CAND2: variants seen among roughly 807,000 people sequenced by gnomAD.
CAND2 encodes the protein cullin associated and neddylation dissociated 2 (putative).
CAND2 carries 62 observed loss-of-function variants against 98.9 expected under a neutral mutation model. The ratio of observed to expected loss-of-function variants is 0.63; its 90% CI spans 0.51 to 0.77. CAND2 has a LOEUF of 0.77. Among genes scored for constraint, CAND2 ranks in the 30% least tolerant of loss-of-function variants. The pLI, the probability that CAND2 is intolerant of heterozygous loss-of-function variation, is 0.00. For synonymous variants in CAND2, 770 were observed against 731.9 expected, an observed-to-expected ratio of 1.05 and a Z score of -0.84; for missense variants, 1,501 against 1,655.2, an observed-to-expected ratio of 0.91 and a Z score of 1.62.
chr3:12,830,293 G>A (rs542700950), intron 13 of CAND2, among the ~76,000 whole-genome samples: 5 of 152,340 alleles, frequency 3.3e-5, no homozygotes, highest in Admixed American at 3.3e-4. Context: ...TGTATGCCAT[G>A]CAAACTAGTG....
At chr3:12,831,011 TGTTA>T (rs1181385707) in intron 13 of CAND2, among the ~76,000 whole-genome samples, 7 of 145,040 alleles carry the variant, frequency 4.8e-5, no homozygotes, top group South Asian at 2.2e-4. Context: ...GTTTAGTTGT[TGTTA>T]AAAGTTTTTG....
intron 11 of CAND2, among the ~76,000 whole-genome samples, chr3:12,820,714 G>A (rs917213983): frequency 6.6e-6 from 1 of 152,194 alleles, no homozygotes; most frequent in Non-Finnish European, 1.5e-5. Flanking sequence ...TCCCTCTGGG[G>A]CTCGGCAGGA....
intron 14 of CAND2, chr3:12,832,103 A>G (rs1015395061): frequency 6.6e-6 from 1 of 152,372 alleles, no homozygotes; most frequent in African/African-American, 2.4e-5. Flanking sequence ...CTGTTGAATG[A>G]AAGAATACAT....
intron 2 of CAND2, among the ~76,000 whole-genome samples, chr3:12,805,532 C>T (rs1371915221): frequency 1.3e-5 from 2 of 152,092 alleles, no homozygotes; most frequent in South Asian, 2.1e-4. Flanking sequence ...AAGTGATCTG[C>T]CTGCCTAGGC....
chr3:12,815,412 C>G lies in CAND2; in HGVS notation c.1278C>G (p.Asn426Lys), dbSNP rs1158184216. The change falls in exon 8 of 15, where the codon AAC becomes AAG. Residue 426 changes from asparagine (N) to lysine (K), a missense_variant. By Grantham distance (94) the Asn-to-Lys change is moderately conservative. This residue lies in a region of CAND2 where 1,427 missense variants were observed against 1,545.3 expected (regional missense o/e 0.92). Transcript: ENST00000456430. This position sits in a 1 kb window ranked among gnomAD's most constrained non-coding sequence, Gnocchi z 5.7. The part of the protein sequence containing the change: ...AMEEPTQTGS[N>K]LHMLRGQVPL... ...AGGAACCCACCCAGACCGGCAGCAA[C>G]CTCCATATGCTACGTGGACAGGTGG... 6.2e-7 allele frequency: 1 copy of G among 1,612,264 alleles called. No homozygotes were observed. Among genetic ancestry groups the G allele is most frequent in the Admixed American group, 1.7e-5 (1 of 60,014 alleles).
rs1344208829 is a variant in CAND2 at position 12,816,658 on chromosome 3, G to C, written c.1726G>C (p.Ala576Pro). The C allele has an allele frequency of 6.2e-7, 1 of 1,613,804 alleles. No homozygotes were observed. Among genetic ancestry groups the C allele is most frequent in the African/African-American group, 1.3e-5 (1 of 75,070 alleles). The change falls in exon 10 of 15, where the codon GCG (alanine) becomes CCG (proline). Residue 576 changes from alanine to proline, a missense_variant. Physicochemically the swap from Ala to Pro is conservative, Grantham distance 27. This residue lies in a region of CAND2 where 1,427 missense variants were observed against 1,545.3 expected (regional missense o/e 0.92). Transcript: ENST00000456430. ...TGGAGAGATGTCTGCTGTCACCCTG[G>C]CGCGACTTCGTGCCACTGACCTGGA... is the stretch of plus-strand genomic sequence containing the variant. The part of the protein sequence containing the change: ...YVGEMSAVTL[A>P]RLRATDLDQE...
rs144452723 is a variant in CAND2, at chr3:12,802,600, A to G, written c.69-888A>G. ...CTGAAACATTATGCATTTAGCCAGC[A>G]TGCTGAGCCGTTGCTAGTCTGCCAC... On this transcript the variant is annotated intron_variant, in intron 1 of 14. Coordinates refer to ENST00000456430, the MANE Select transcript of CAND2 (RefSeq NM_001162499.2). Among the ~76,000 whole-genome samples, 846 of 152,360 alleles carry G rather than the reference A, an allele frequency of 5.6e-3. 8 individuals carry two copies. Among genetic ancestry groups the G allele is most frequent in the African/African-American group, 0.019 (770 of 41,592 alleles).
At chr3:12,831,413 TG>T (rs1031933384) in intron 13 of CAND2, 51 bp from the exon 14 acceptor site, 46 of 1,464,188 alleles carry the variant, frequency 3.1e-5, no homozygotes, top group Non-Finnish European at 3.7e-5. Context: ...GGCTGGCTGC[TG>T]CTCTTGCTCC....
Position 12,825,463 on chromosome 3 carries a change from C to T in CAND2, c.3041-7C>T. On this transcript the variant is annotated splice_polypyrimidine_tract_variant and splice_region_variant and intron_variant, in intron 11 of 14. Coordinates refer to ENST00000456430, the MANE Select transcript of CAND2 (RefSeq NM_001162499.2). Reference sequence around the variant, plus strand: ...CATCCCCCACGCCCCTCATGTTCTTCTGCCAGGAGAGTTCATGGAGAGCCT... The same window carrying T: ...CATCCCCCACGCCCCTCATGTTCTTTTGCCAGGAGAGTTCATGGAGAGCCT... 2 of 1,550,568 alleles carry T rather than the reference C, an allele frequency of 1.3e-6. No individual in the cohort carries two copies. The highest frequency in any genetic ancestry group is 1.7e-6 in the Non-Finnish European group (2 of 1,145,808).
rs1289218637 is a variant in CAND2, at chr3:12,817,447, G to C, written c.2515G>C (p.Val839Leu). The C allele has an allele frequency of 2.5e-6, 4 of 1,613,602 alleles. No individual in the cohort carries two copies. Among genetic ancestry groups the C allele is most frequent in the Admixed American group, 3.3e-5 (2 of 60,008 alleles). Residue 839 changes from valine to leucine, a missense_variant, in exon 10 of 15, where the codon GTC (valine) becomes CTC (leucine). Val to Leu is a conservative substitution (Grantham distance 32, BLOSUM62 1). This residue lies in a region of CAND2 where 1,427 missense variants were observed against 1,545.3 expected (regional missense o/e 0.92). Coordinates refer to ENST00000456430, the MANE Select transcript of CAND2 (RefSeq NM_001162499.2). ...DARSPHSSTG[V>L]KVLAFLSLAE... ...CAGGTCGCCCCACTCCAGCACGGGG[G>C]TCAAGGTCCTGGCATTCTTGTCGCT...
Position 12,817,794 on chromosome 3 carries a change from G to A in CAND2, c.2862G>A (p.Gly954=). 1 of 1,529,170 alleles carries A rather than the reference G, an allele frequency of 6.5e-7. No homozygotes were observed. The allele number at this position is 1,529,170 out of a possible 1,614,324, so 94.7% of individuals were successfully genotyped here. A position where few individuals can be genotyped will look rare whatever the true frequency, so the allele number is the denominator to read the frequency against. ...AGGGTGCTGAGGAGGGCACCCGGGG[G>A]GTGGTGGCCGAGTGCATTGGGAAGC... is the stretch of plus-strand genomic sequence containing the variant. The part of the protein sequence containing the change: ...RCEGAEEGTR[G]VVAECIGKLV... The change falls in exon 10 of 15, where the codon GGG becomes GGA. Residue 954 remains glycine (G), a synonymous_variant. Coordinates refer to ENST00000456430, the MANE Select transcript of CAND2 (RefSeq NM_001162499.2).
chr3:12,803,735 C>A, intron 2 of CAND2, 104 bp downstream of exon 2: 1 of 989,346 alleles, frequency 1.0e-6, no homozygotes, highest in Non-Finnish European at 1.4e-6. Context: ...AGGAGACCTG[C>A]TGAGCAGCTC....
chr3:12,816,096 G>A, intron 9 of CAND2, 88 bp downstream of exon 9: 1 of 1,318,516 alleles, frequency 7.6e-7, no homozygotes. Flanking sequence ...CAGTTCCTGA[G>A]ACAGTCTGAG....
At position 12,831,657 on chromosome 3, in the gene CAND2, T is replaced by G; in HGVS notation, c.3483+85T>G. 5.2e-6 allele frequency: 4 copies of G among 772,672 alleles called. No homozygotes were observed. In the South Asian group the frequency reaches 7.2e-5, roughly 14 times the overall value. 47.9% of individuals were successfully genotyped at this position (772,672 alleles called of 1,614,324 possible). On this transcript the variant is annotated intron_variant, in intron 14 of 14. Transcript: ENST00000456430. ...TCGTTCAGTTACCCTTACTGAGCAC[T>G]TCCTGCAGTGCAGGTGATGTTGTGA...
chr3:12,821,852 C>T (rs9848991), intron 11 of CAND2, among the ~76,000 whole-genome samples: 3,046 of 152,230 alleles, frequency 0.02, 91 homozygotes, highest in African/African-American at 0.068. Flanking sequence ...CCCTGGCTGG[C>T]GATGGTAACT....
chr3:12,807,173 CAG>C (rs1340683995), intron 2 of CAND2, 131 bp from the exon 3 acceptor site: 50 of 763,028 alleles, frequency 6.6e-5, no homozygotes, highest in Admixed American at 1.2e-4. Context: ...TCTGGCCAAA[CAG>C]GGGCTCCCCT....
At chr3:12,822,150 C>G (rs562484159) in intron 11 of CAND2, among the ~76,000 whole-genome samples, 1 of 152,074 alleles carries the variant, frequency 6.6e-6, no homozygotes, top group African/African-American at 2.4e-5. Context: ...TTTCTTCTCT[C>G]CCACTTATTT....
rs531439250 is a variant in CAND2 at position 12,812,221 on chromosome 3, C to CTTTTTTTTTTTTTTTTTTTT, written c.758-750_758-749insTTTTTTTTTTTTTTTTTTTT. 2.5e-3 allele frequency among the ~76,000 whole-genome samples: 188 copies of CTTTTTTTTTTTTTTTTTTTT among 74,488 alleles called. 37 individuals are homozygous for CTTTTTTTTTTTTTTTTTTTT. Among genetic ancestry groups the CTTTTTTTTTTTTTTTTTTTT allele is most frequent in the South Asian group, 4.1e-3 (9 of 2,222 alleles). 48.9% of individuals were successfully genotyped at this position (74,488 alleles called of 152,430 possible). A position where few individuals can be genotyped will look rare whatever the true frequency, so the allele number is the denominator to read the frequency against. The stretch of plus-strand genomic sequence containing the variant: ...ACCATGCCCGGCCTAAGCTGTTTAT[C>CTTTTTTTTTTTTTTTTTTTT]TTTTTTTTTTTTTTTTTTTGGAGAT... On this transcript the variant is annotated intron_variant, in intron 5 of 14. Coordinates refer to ENST00000456430, the MANE Select transcript of CAND2 (RefSeq NM_001162499.2).
At chr3:12,819,890 T>G (rs2061942505) in intron 10 of CAND2, among the ~76,000 whole-genome samples, 196 bp from the exon 11 acceptor site, 1 of 152,174 alleles carries the variant, frequency 6.6e-6, no homozygotes, top group African/African-American at 2.4e-5. Flanking sequence ...TCCTACTGTT[T>G]CAGCTGCAGC....
Sources: allele counts gnomAD v4.1 joint callset (sites outside exome capture counted in the v4.1 genomes callset), GRCh38; gene constraint gnomAD v4.1.1; regional missense constraint gnomAD v4.1.1; non-coding constraint Gnocchi (gnomAD v3.1); transcripts MANE v1.5; gene names NCBI Gene and HGNC (gene_info 2026-07-23, HGNC 2026-07-21).